The following TNFSF4 variants were observed in gnomAD, a reference collection of about 807,000 sequenced individuals.
TNFSF4 encodes the protein TNF superfamily member 4, also known as tumor necrosis factor ligand superfamily member 4.
In TNFSF4, 4 loss-of-function variants were observed where a neutral mutation model predicts 7.3. The ratio of observed to expected loss-of-function variants is 0.55; its 90% confidence interval spans 0.27 to 1.25. TNFSF4 has a LOEUF of 1.25. TNFSF4 is among the 50% of genes most tolerant of loss of function. The pLI is 0.12. For synonymous variants in TNFSF4, 76 were observed against 83.7 expected (o/e 0.91, Z 0.50); for missense variants, 181 against 208.8 (o/e 0.87, Z 0.82).
the TNFSF4 span, among the ~76,000 whole-genome samples, chr1:173,371,485 G>T: frequency 6.6e-6 from 1 of 152,120 alleles, no homozygotes; most frequent in African/African-American, 2.4e-5. Flanking sequence ...AAAAATGCCT[G>T]CCTAGTCCAA....
At chr1:173,408,300 A>AATGT in the TNFSF4 span, among the ~76,000 whole-genome samples, 1 of 152,196 alleles carries the variant, frequency 6.6e-6, no homozygotes, top group South Asian at 2.1e-4. Context: ...CAGGCAAGAA[A>AATGT]ATATACAAAG....
chr1:173,287,908 A>C, the TNFSF4 span, among the ~76,000 whole-genome samples: 1 of 152,230 alleles, frequency 6.6e-6, no homozygotes, highest in Non-Finnish European at 1.5e-5. Flanking sequence ...GTAGATACAA[A>C]GGAGGCTTCT....
chr1:173,199,114 A>G (rs1373025606), intron 1 of TNFSF4, among the ~76,000 whole-genome samples: 1 of 152,172 alleles, frequency 6.6e-6, no homozygotes, highest in East Asian at 1.9e-4. Flanking sequence ...TGCTTATCAT[A>G]CGCTATTGCT....
At chr1:173,225,858 CTG>C in the TNFSF4 span, among the ~76,000 whole-genome samples, 2 of 152,178 alleles carry the variant, frequency 1.3e-5, no homozygotes, top group Admixed American at 1.3e-4. Context: ...AACACAGAGA[CTG>C]TGGATGGAGA....
intron 1 of TNFSF4, among the ~76,000 whole-genome samples, chr1:173,204,509 T>C (rs1557886604): frequency 6.6e-6 from 1 of 152,170 alleles, no homozygotes; most frequent in Non-Finnish European, 1.5e-5. Flanking sequence ...TATATCTGTA[T>C]TTACAGAGCC....
the TNFSF4 span, among the ~76,000 whole-genome samples, chr1:173,359,063 C>A: frequency 6.6e-6 from 1 of 152,176 alleles, no homozygotes; most frequent in East Asian, 1.9e-4. Flanking sequence ...CTCTGGTTTC[C>A]TAACCATTCT....
At chr1:173,177,586 A>C in the TNFSF4 span, among the ~76,000 whole-genome samples, 80 of 152,308 alleles carry the variant, frequency 5.3e-4, no homozygotes, top group African/African-American at 1.7e-3. Context: ...TGAACCTAAA[A>C]TAAATTTTTT....
the TNFSF4 span, among the ~76,000 whole-genome samples, chr1:173,230,237 C>G: frequency 3.3e-5 from 5 of 152,206 alleles, no homozygotes; most frequent in Non-Finnish European, 7.3e-5. Context: ...GTCTCTCAGA[C>G]CACAGTGCAA....
the TNFSF4 span, among the ~76,000 whole-genome samples, chr1:173,253,062 T>C: frequency 6.6e-6 from 1 of 152,356 alleles, no homozygotes; most frequent in East Asian, 1.9e-4. Context: ...CACTCTGTCT[T>C]ACCAGAATTT....
chr1:173,361,641 T>C, the TNFSF4 span, among the ~76,000 whole-genome samples: 1 of 152,144 alleles, frequency 6.6e-6, no homozygotes, highest in Non-Finnish European at 1.5e-5. Context: ...TTTTTTTTCT[T>C]TTCCAAACAA....
chr1:173,306,831 A>G, the TNFSF4 span, among the ~76,000 whole-genome samples: 1 of 151,870 alleles, frequency 6.6e-6, no homozygotes, highest in South Asian at 2.1e-4. Context: ...GATGCTAGAA[A>G]TCATGATGGA....
chr1:173,206,225 C>T (rs1650182667), intron 1 of TNFSF4, among the ~76,000 whole-genome samples: 1 of 152,002 alleles, frequency 6.6e-6, no homozygotes, highest in African/African-American at 2.4e-5. Context: ...CCAGTGGCAT[C>T]TTCTGCAGTG....
chr1:173,190,328 T>C (rs1649422540), intron 1 of TNFSF4, among the ~76,000 whole-genome samples: 2 of 152,250 alleles, frequency 1.3e-5, no homozygotes, highest in African/African-American at 4.8e-5. Flanking sequence ...GGGGAATTCC[T>C]GTTTCCCACT....
the TNFSF4 span, among the ~76,000 whole-genome samples, chr1:173,376,173 A>T: frequency 6.6e-6 from 1 of 152,200 alleles, no homozygotes; most frequent in African/African-American, 2.4e-5. Flanking sequence ...GTCTTTTCTC[A>T]ATAGCAAAGA....
the TNFSF4 span, among the ~76,000 whole-genome samples, chr1:173,328,084 G>C: frequency 1.3e-5 from 2 of 152,094 alleles, no homozygotes; most frequent in African/African-American, 2.4e-5. Flanking sequence ...ATTCACAATA[G>C]CAAAGACTTG....
the TNFSF4 span, among the ~76,000 whole-genome samples, chr1:173,288,325 A>G: frequency 1.3e-5 from 2 of 152,098 alleles, no homozygotes; most frequent in East Asian, 3.9e-4. Context: ...AGACCCAGTT[A>G]CTTGGGGGGC....
the TNFSF4 span, among the ~76,000 whole-genome samples, chr1:173,323,456 C>T: frequency 6.6e-6 from 1 of 152,222 alleles, no homozygotes; most frequent in Non-Finnish European, 1.5e-5. Flanking sequence ...AGCAGAGTGC[C>T]TCTCCTCCTC....
At chr1:173,448,047 T>C in the TNFSF4 span, among the ~76,000 whole-genome samples, 2 of 152,130 alleles carry the variant, frequency 1.3e-5, no homozygotes, top group South Asian at 2.1e-4. Context: ...TATTGCATAA[T>C]GGGATAAGGT....
the TNFSF4 span, among the ~76,000 whole-genome samples, chr1:173,284,160 G>A: frequency 1.5e-4 from 23 of 152,308 alleles, 1 homozygote; most frequent in East Asian, 4.2e-3. Context: ...CAGGAGAAAA[G>A]TTTGAAGCTA....
Sources: allele counts gnomAD v4.1 joint callset (sites outside exome capture counted in the v4.1 genomes callset), GRCh38; gene constraint gnomAD v4.1.1; transcripts MANE v1.5; gene names NCBI Gene and HGNC (gene_info 2026-07-23, HGNC 2026-07-21).